ACVR2A: variants seen among roughly 807,000 people sequenced by gnomAD.
ACVR2A encodes activin receptor type-2A.
ACVR2A carries 7 observed loss-of-function variants against 61.4 expected under a neutral mutation model. That is an observed-to-expected ratio of 0.11 (90% CI 0.06 to 0.21). ACVR2A has a LOEUF of 0.21. Among genes scored for constraint, ACVR2A ranks in the 10% least tolerant of loss-of-function variants. The pLI, the probability that ACVR2A is intolerant of heterozygous loss-of-function variation, is 1.00. For missense variants in ACVR2A, 322 were observed against 621.7 expected, an observed-to-expected ratio of 0.52 and a Z score of 5.13; for synonymous variants, 193 against 208.3, an observed-to-expected ratio of 0.93 and a Z score of 0.63.
At chr2:147,913,498 C>G (rs1687170000) in intron 4 of ACVR2A, among the ~76,000 whole-genome samples, 1 of 151,912 alleles carries the variant, frequency 6.6e-6, no homozygotes, top group Non-Finnish European at 1.5e-5. Flanking sequence ...TACAATAACT[C>G]TTTGCCCTTG....
At chr2:147,851,524 G>A (rs1427030124) in intron 1 of ACVR2A, among the ~76,000 whole-genome samples, 2 of 152,180 alleles carry the variant, frequency 1.3e-5, no homozygotes, top group Admixed American at 1.3e-4. Context: ...TTTCTTAAAT[G>A]TGTAATCCTT....
At chr2:147,923,632 AG>A (rs1687437160) in intron 9 of ACVR2A, among the ~76,000 whole-genome samples, 1 of 152,104 alleles carries the variant, frequency 6.6e-6, no homozygotes, top group South Asian at 2.1e-4. Flanking sequence ...GTAAATTTTC[AG>A]ACGATATTTC....
chr2:147,929,116 T>G lies in ACVR2A; in HGVS notation c.*1842T>G, dbSNP rs1322079205. ...AGGGAGGAAAAGAAGAGTAATAGCG[T>G]CTGTGTGCTGCAGACCATTCAGAAC... On this transcript the variant is annotated 3_prime_UTR_variant, in exon 11 of 11. Coordinates refer to ENST00000241416, the MANE Select transcript of ACVR2A (RefSeq NM_001616.5). 6.6e-6 allele frequency: 1 copy of G among 152,362 alleles called. No homozygotes were observed. The highest frequency in any genetic ancestry group is 1.9e-4 in the East Asian group (1 of 5,190). 9.4% of individuals were successfully genotyped at this position (152,362 alleles called of 1,614,324 possible).
At chr2:147,853,652 T>A (rs1685497921) in intron 1 of ACVR2A, among the ~76,000 whole-genome samples, 1 of 152,112 alleles carries the variant, frequency 6.6e-6, no homozygotes, top group Admixed American at 6.5e-5. Context: ...AAGGACTGGC[T>A]ACACATGTGG....
intron 1 of ACVR2A, among the ~76,000 whole-genome samples, chr2:147,847,422 C>T (rs559062115): frequency 2.0e-5 from 3 of 152,232 alleles, no homozygotes; most frequent in South Asian, 4.2e-4. Context: ...TGTGATCTGA[C>T]ATGTTGGAAG....
intron 1 of ACVR2A, among the ~76,000 whole-genome samples, chr2:147,848,533 G>C (rs1266711565): frequency 1.3e-5 from 2 of 152,134 alleles, no homozygotes; most frequent in South Asian, 2.1e-4. Context: ...CAATATGTCA[G>C]TAGTGTAGAG....
At chr2:147,918,399 ATG>A in intron 6 of ACVR2A, 46 bp from the exon 7 acceptor site, 1 of 1,550,758 alleles carries the variant, frequency 6.4e-7, no homozygotes, top group African/African-American at 1.4e-5. Flanking sequence ...CCTTATACAT[ATG>A]GCCTTTGTCA....
intron 1 of ACVR2A, among the ~76,000 whole-genome samples, chr2:147,864,270 C>T (rs1022573597): frequency 1.3e-5 from 2 of 152,158 alleles, no homozygotes; most frequent in Non-Finnish European, 2.9e-5. Context: ...AACTGTGTCA[C>T]CCAGGCTGGA....
chr2:147,922,878 A>G, intron 8 of ACVR2A, 95 bp from the exon 9 acceptor site: 1 of 1,333,092 alleles, frequency 7.5e-7, no homozygotes, highest in Non-Finnish European at 1.0e-6. Context: ...TACCCTGGTA[A>G]TAGACCACAT....
At chr2:147,891,694 A>T (rs1170496098) in intron 1 of ACVR2A, among the ~76,000 whole-genome samples, 3 of 152,212 alleles carry the variant, frequency 2.0e-5, no homozygotes, top group Admixed American at 2.0e-4. Context: ...TTGTCTATGG[A>T]TGCTTTTATG....
At chr2:147,909,695 T>A (rs888594801) in intron 4 of ACVR2A, among the ~76,000 whole-genome samples, 2 of 152,176 alleles carry the variant, frequency 1.3e-5, no homozygotes, top group Non-Finnish European at 2.9e-5. Flanking sequence ...GGGAATGCAG[T>A]GGCATGATCA....
chr2:147,908,267 C>T (rs1400030119), intron 4 of ACVR2A, among the ~76,000 whole-genome samples: 1 of 152,074 alleles, frequency 6.6e-6, no homozygotes, highest in East Asian at 1.9e-4. Context: ...ACTTCTGTAG[C>T]CAGTCATAAA....
At chr2:147,852,149 A>G (rs1291883781) in intron 1 of ACVR2A, among the ~76,000 whole-genome samples, 5 of 152,070 alleles carry the variant, frequency 3.3e-5, no homozygotes, top group Non-Finnish European at 5.9e-5. Flanking sequence ...AGGTATCCTC[A>G]TGTTCCATGG....
intron 4 of ACVR2A, among the ~76,000 whole-genome samples, chr2:147,909,791 C>A (rs1687071960): frequency 6.6e-6 from 1 of 152,048 alleles, no homozygotes; most frequent in African/African-American, 2.4e-5. Context: ...GCATATGCAA[C>A]CACGCCCAGC....
At chr2:147,874,209 C>T (rs1197814463) in intron 1 of ACVR2A, among the ~76,000 whole-genome samples, 1 of 151,886 alleles carries the variant, frequency 6.6e-6, no homozygotes, top group Admixed American at 6.6e-5. Flanking sequence ...TTAATCCAGT[C>T]TTGACCACTT....
At chr2:147,913,342 C>G (rs1687165735) in intron 4 of ACVR2A, among the ~76,000 whole-genome samples, 1 of 151,846 alleles carries the variant, frequency 6.6e-6, no homozygotes, top group Non-Finnish European at 1.5e-5. Flanking sequence ...ACTGTATTCC[C>G]TCTACCTAGT....
intron 1 of ACVR2A, among the ~76,000 whole-genome samples, chr2:147,879,687 G>C (rs1430858158): frequency 6.6e-6 from 1 of 152,152 alleles, no homozygotes; most frequent in Non-Finnish European, 1.5e-5. Context: ...TAAAGATTTT[G>C]ATTTTAAGGC....
chr2:147,910,808 C>T (rs1455980773), intron 4 of ACVR2A, among the ~76,000 whole-genome samples: 2 of 152,158 alleles, frequency 1.3e-5, no homozygotes, highest in Non-Finnish European at 2.9e-5. Flanking sequence ...CCCAGGGCCA[C>T]CTCTGCTTAA....
Position 147,899,801 on chromosome 2 carries a change from T to G in ACVR2A, c.431T>G (p.Leu144Trp). 5 of 1,613,820 alleles carry G rather than the reference T, an allele frequency of 3.1e-6. No homozygotes were observed. Among genetic ancestry groups the G allele is most frequent in the Non-Finnish European group, 3.4e-6 (4 of 1,179,764 alleles). The change falls in exon 4 of 11, where the codon TTG becomes TGG. Residue 144 changes from leucine (L) to tryptophan (W), a missense_variant. Leu to Trp is a moderately conservative substitution (Grantham distance 61). Coordinates refer to ENST00000241416, the MANE Select transcript of ACVR2A (RefSeq NM_001616.5). ...TATTACAACATCCTGCTCTATTCCT[T>G]GGTGCCACTTATGTTAATTGCGGGG... ...PPYYNILLYS[L>W]VPLMLIAGIV...
Sources: gnomAD v4.1 joint callset for allele counts (sites outside exome capture counted in the v4.1 genomes callset) on GRCh38, gnomAD v4.1.1 for gene constraint, MANE v1.5 for transcripts, NCBI Gene and HGNC (gene_info 2026-07-23, HGNC 2026-07-21) for gene names.